The following SLC9A9 variants were observed in gnomAD, a reference collection of about 807,000 sequenced individuals.
SLC9A9 encodes the protein solute carrier family 9 member A9, also known as sodium/hydrogen exchanger 9.
A neutral mutation model predicts 77.8 loss-of-function variants in SLC9A9; 62 were observed. The observed-to-expected ratio is 0.80, with a 90% CI of 0.65 to 0.98. The LOEUF is 0.98. SLC9A9 is among the 50% of genes least tolerant of loss of function. The pLI is 0.00. For synonymous variants in SLC9A9, 320 were observed against 283.5 expected, an observed-to-expected ratio of 1.13 and a Z score of -1.29; for missense variants, 775 against 774.9, an observed-to-expected ratio of 1.00 and a Z score of 0.00.
At chr3:143,668,614 T>G (rs1268408956) in intron 5 of SLC9A9, among the ~76,000 whole-genome samples, 2 of 152,198 alleles carry the variant, frequency 1.3e-5, no homozygotes, top group Non-Finnish European at 1.5e-5. Context: ...TGGTATTAGT[T>G]TGTTCATCTG....
chr3:143,521,514 T>C (rs2036298307), intron 9 of SLC9A9, among the ~76,000 whole-genome samples: 1 of 152,188 alleles, frequency 6.6e-6, no homozygotes, highest in African/African-American at 2.4e-5. Flanking sequence ...TTAATTCATT[T>C]ACAATTTTGT....
chr3:143,340,645 G>A (rs1307610602), intron 14 of SLC9A9, among the ~76,000 whole-genome samples: 1 of 152,092 alleles, frequency 6.6e-6, no homozygotes, highest in African/African-American at 2.4e-5. Context: ...TTGGAAAGGG[G>A]CATTAACTCC....
rs115622861 is a variant in SLC9A9, at chr3:143,305,448, T to A, written c.1605-36468A>T. The stretch of plus-strand genomic sequence containing the variant: ...AAGGAAATGTCCCAGAGTCACACAG[T>A]TCATAAGTGGTGGCAACTAGGACTT... On this transcript the variant is annotated intron_variant, in intron 14 of 15. Coordinates refer to ENST00000316549, the MANE Select transcript of SLC9A9 (RefSeq NM_173653.4). Among the ~76,000 whole-genome samples, 617 of 152,284 alleles carry A rather than the reference T, an allele frequency of 4.1e-3. 5 individuals carry two copies. The highest frequency in any genetic ancestry group is 0.014 in the African/African-American group (602 of 41,562).
At chr3:143,385,998 G>A (rs186014447) in intron 12 of SLC9A9, among the ~76,000 whole-genome samples, 6 of 152,264 alleles carry the variant, frequency 3.9e-5, no homozygotes, top group South Asian at 2.1e-4. Context: ...TTTGGGCCAC[G>A]CTGGCTACCA....
At chr3:143,717,874 T>G (rs1259481930) in intron 4 of SLC9A9, among the ~76,000 whole-genome samples, 2 of 152,138 alleles carry the variant, frequency 1.3e-5, no homozygotes, top group African/African-American at 4.8e-5. Flanking sequence ...CATTTTCTGT[T>G]GCAAATGGCC....
At chr3:143,354,123 C>T (rs1187850631) in intron 14 of SLC9A9, among the ~76,000 whole-genome samples, 1 of 152,334 alleles carries the variant, frequency 6.6e-6, no homozygotes, top group African/African-American at 2.4e-5. Flanking sequence ...TATTCAGGCT[C>T]TCTCGCATCT....
intron 12 of SLC9A9, among the ~76,000 whole-genome samples, chr3:143,399,139 A>G (rs2033795063): frequency 6.6e-6 from 1 of 152,154 alleles, no homozygotes; most frequent in Non-Finnish European, 1.5e-5. Flanking sequence ...TTAATAATGC[A>G]TTATCTTGTT....
At chr3:143,441,449 C>G (rs974553814) in intron 12 of SLC9A9, among the ~76,000 whole-genome samples, 1 of 152,188 alleles carries the variant, frequency 6.6e-6, no homozygotes, top group Non-Finnish European at 1.5e-5. Context: ...GATACCTTAG[C>G]AGGTAATTAT....
rs377244293 is a variant in SLC9A9 at position 143,782,858 on chromosome 3, A to C, written c.533+12143T>G. ...GAAAGAAATAGTACATGAGGCCCAA[A>C]TTGTGATATATTTGACAATCAAAGC... On this transcript the variant is annotated intron_variant, in intron 4 of 15. Coordinates refer to ENST00000316549, the MANE Select transcript of SLC9A9 (RefSeq NM_173653.4). 6.8e-4 allele frequency among the ~76,000 whole-genome samples: 103 copies of C among 152,310 alleles called. No individual in the cohort carries two copies. In the South Asian group the frequency reaches 0.015, roughly 22 times the overall value.
intron 2 of SLC9A9, chr3:143,811,709 A>T (rs1164297631): frequency 2.2e-6 from 1 of 455,160 alleles, no homozygotes; most frequent in African/African-American, 2.0e-5. Context: ...AAAAAACAAA[A>T]AAATTAGCCA....
chr3:143,774,339 C>A (rs1472400032), intron 4 of SLC9A9, among the ~76,000 whole-genome samples: 1 of 152,120 alleles, frequency 6.6e-6, no homozygotes, highest in Non-Finnish European at 1.5e-5. Context: ...TCAGGGCTTT[C>A]CAGGAGTTTG....
intron 12 of SLC9A9, among the ~76,000 whole-genome samples, chr3:143,401,116 T>C (rs1048333344): frequency 3.9e-5 from 6 of 152,150 alleles, no homozygotes; most frequent in Non-Finnish European, 7.3e-5. Context: ...TGCTCTTTGG[T>C]CTTGAATAGG....
rs562850211 is a variant in SLC9A9 at position 143,413,800 on chromosome 3, G to A, written c.1470-31686C>T. Among the ~76,000 whole-genome samples the A allele has an allele frequency of 2.6e-5, 4 of 152,134 alleles. No homozygotes were observed. In the South Asian group the frequency reaches 8.3e-4, roughly 32 times the overall value. ...ATTAACTGTGTGTGTGTGTGTGTGT[G>A]TGTGTGTACGTGCGTGCGCATGCAT... On this transcript the variant is annotated intron_variant, in intron 12 of 15. Coordinates refer to ENST00000316549, the MANE Select transcript of SLC9A9 (RefSeq NM_173653.4).
intron 9 of SLC9A9, among the ~76,000 whole-genome samples, chr3:143,519,170 C>T (rs2036252922): frequency 1.3e-5 from 2 of 152,022 alleles, no homozygotes; most frequent in African/African-American, 4.8e-5. Flanking sequence ...ACTTAAACAT[C>T]TAGTATATTA....
At chr3:143,671,529 A>G (rs1039769448) in intron 5 of SLC9A9, among the ~76,000 whole-genome samples, 1 of 152,224 alleles carries the variant, frequency 6.6e-6, no homozygotes, top group Non-Finnish European at 1.5e-5. Context: ...TGTCTGTAGA[A>G]GCTCTTTGAG....
chr3:143,573,247 T>C (rs1037555083), intron 8 of SLC9A9, among the ~76,000 whole-genome samples: 2 of 152,174 alleles, frequency 1.3e-5, no homozygotes, highest in Admixed American at 1.3e-4. Flanking sequence ...TATACCTTGC[T>C]ACCAGTTACG....
intron 2 of SLC9A9, among the ~76,000 whole-genome samples, chr3:143,801,680 C>T (rs1198632413): frequency 6.6e-6 from 1 of 152,218 alleles, no homozygotes; most frequent in African/African-American, 2.4e-5. Flanking sequence ...AATCGCCACT[C>T]ACCAGCAAAG....
At chr3:143,746,738 T>C (rs893043723) in intron 4 of SLC9A9, among the ~76,000 whole-genome samples, 5 of 152,148 alleles carry the variant, frequency 3.3e-5, no homozygotes, top group African/African-American at 9.7e-5. Context: ...CTATCAAAGA[T>C]AAAAACAGCA....
chr3:143,427,411 C>T (rs1296519813), intron 12 of SLC9A9, among the ~76,000 whole-genome samples: 1 of 152,248 alleles, frequency 6.6e-6, no homozygotes, highest in Non-Finnish European at 1.5e-5. Flanking sequence ...AAATCATCTT[C>T]CTGTTGCATC....
Sources: gnomAD v4.1 joint callset for allele counts (sites outside exome capture counted in the v4.1 genomes callset) on GRCh38, gnomAD v4.1.1 for gene constraint, MANE v1.5 for transcripts, NCBI Gene and HGNC (gene_info 2026-07-23, HGNC 2026-07-21) for gene names.